Variants in LIPC observed in about 807,000 individuals in gnomAD.
LIPC encodes hepatic triacylglycerol lipase.
In LIPC, 44 loss-of-function variants were observed where a neutral mutation model predicts 50.7. The ratio of observed to expected loss-of-function variants is 0.87; its 90% CI spans 0.68 to 1.11. LIPC has a LOEUF of 1.11. Among genes scored for constraint, LIPC ranks in the 50% most tolerant of loss-of-function variants. LIPC has a pLI of 0.00. For missense variants in LIPC, 697 were observed against 648.2 expected (o/e 1.08, Z -0.82); for synonymous variants, 271 against 256.4 (o/e 1.06, Z -0.54).
At chr15:58,493,197 A>T (rs1891642313) in intron 1 of LIPC, among the ~76,000 whole-genome samples, 1 of 152,104 alleles carries the variant, frequency 6.6e-6, no homozygotes, top group Non-Finnish European at 1.5e-5. Context: ...ACTTCACATG[A>T]TTAGGAAGCT....
At chr15:58,505,453 T>A (rs1218719151) in intron 1 of LIPC, among the ~76,000 whole-genome samples, 1 of 152,194 alleles carries the variant, frequency 6.6e-6, no homozygotes, top group Admixed American at 6.5e-5. Flanking sequence ...ACACAAAGTG[T>A]GCTCAACAGC....
intron 8 of LIPC, chr15:58,565,340 T>G: frequency 6.5e-7 from 1 of 1,531,632 alleles, no homozygotes; most frequent in Non-Finnish European, 8.7e-7. Flanking sequence ...TTTAGGTGGC[T>G]GCTCACCCTG....
chr15:58,495,332 G>T (rs1159992376), intron 1 of LIPC, among the ~76,000 whole-genome samples: 1 of 152,194 alleles, frequency 6.6e-6, no homozygotes, highest in African/African-American at 2.4e-5. Flanking sequence ...CTGCCCTGCA[G>T]CTCCCTGCCA....
intron 1 of LIPC, among the ~76,000 whole-genome samples, chr15:58,462,892 GTTATTGGCGGAGTTA>G (rs1894406746): frequency 6.6e-6 from 1 of 152,252 alleles, no homozygotes; most frequent in Non-Finnish European, 1.5e-5. Context: ...TGCCTGCAGA[GTTATTGGCGGAGTTA>G]TTCTTGGTGC....
intron 1 of LIPC, among the ~76,000 whole-genome samples, chr15:58,516,849 G>T (rs1328166709): frequency 1.3e-5 from 2 of 152,182 alleles, no homozygotes; most frequent in Non-Finnish European, 2.9e-5. Context: ...ATTATGGGTT[G>T]TATTTTCCTG....
In LIPC at chr15:58,432,041, A is replaced by T. The variant is rs748972683; in HGVS notation, c.9A>T (p.Thr3=). ...CCGGGTGAAACGGAGAAATGGACAC[A>T]AGTCCCCTGTGTTTCTCCATTCTGT... The part of the protein sequence containing the change: MD[T]SPLCFSILLV... Residue 3 remains threonine (T), a synonymous_variant, in exon 1 of 9, where the codon ACA becomes ACT. Transcript: ENST00000299022. 5.0e-6 allele frequency: 8 copies of T among 1,613,410 alleles called. No homozygotes were observed. The highest frequency in any genetic ancestry group is 6.8e-6 in the Non-Finnish European group (8 of 1,179,472).
chr15:58,479,570 A>G (rs539753232), intron 1 of LIPC, among the ~76,000 whole-genome samples: 1 of 152,342 alleles, frequency 6.6e-6, no homozygotes, highest in East Asian at 1.9e-4. Context: ...TGCTGGGTCC[A>G]TGTGATTTCC....
chr15:58,558,478 C>A (rs1894036436), intron 6 of LIPC, among the ~76,000 whole-genome samples: 1 of 152,158 alleles, frequency 6.6e-6, no homozygotes. Context: ...AGCAGGGGTC[C>A]CCAACCCCCG....
intron 1 of LIPC, among the ~76,000 whole-genome samples, chr15:58,535,800 C>T (rs1049374647): frequency 6.6e-6 from 1 of 152,128 alleles, no homozygotes. Context: ...ATTTTTATCC[C>T]CATTTTATTT....
intron 1 of LIPC, among the ~76,000 whole-genome samples, chr15:58,453,729 C>A (rs564626990): frequency 6.6e-6 from 1 of 151,770 alleles, no homozygotes; most frequent in African/African-American, 2.4e-5. Context: ...GGTGAAATCC[C>A]AACTACTAAA....
chr15:58,561,000 C>A lies in LIPC; in HGVS notation c.1169+19C>A. The A allele has an allele frequency of 9.8e-7, 1 of 1,018,042 alleles. No homozygotes were observed. Among genetic ancestry groups the A allele is most frequent in the Non-Finnish European group, 1.5e-6 (1 of 680,612 alleles). 63.1% of individuals were successfully genotyped at this position (1,018,042 alleles called of 1,614,324 possible). ...TCACTCTGTGAGTAGGAGGTGTAGC[C>A]CCCTAGGGTGATGACACACTTATTT... On this transcript the variant is annotated intron_variant, in intron 7 of 8. Coordinates refer to ENST00000299022, the MANE Select transcript of LIPC (RefSeq NM_000236.3).
At chr15:58,492,393 C>T (rs1422137895) in intron 1 of LIPC, among the ~76,000 whole-genome samples, 2 of 152,116 alleles carry the variant, frequency 1.3e-5, no homozygotes, top group East Asian at 3.9e-4. Context: ...ATAATATAAA[C>T]ACATTATAAA....
intron 6 of LIPC, among the ~76,000 whole-genome samples, chr15:58,555,955 A>G (rs1240443473): frequency 6.6e-6 from 1 of 151,952 alleles, no homozygotes; most frequent in African/African-American, 2.4e-5. Flanking sequence ...CCAGAAACCA[A>G]TCGACAAGGG....
intron 1 of LIPC, chr15:58,434,980 T>G (rs1172516596): frequency 6.6e-6 from 1 of 152,224 alleles, no homozygotes; most frequent in Non-Finnish European, 1.5e-5. Flanking sequence ...ACACACTCTG[T>G]TCACACGTTT....
At chr15:58,530,644 CT>C (rs1892933914) in intron 1 of LIPC, among the ~76,000 whole-genome samples, 1 of 152,244 alleles carries the variant, frequency 6.6e-6, no homozygotes, top group Non-Finnish European at 1.5e-5. Flanking sequence ...TAGAGATTCC[CT>C]TTTGCCCTTT....
intron 2 of LIPC, among the ~76,000 whole-genome samples, chr15:58,540,376 A>T (rs1052497669): frequency 6.6e-6 from 1 of 151,052 alleles, no homozygotes. Context: ...TAGATCTATT[A>T]ACGTATTTCT....
At chr15:58,469,102 TTGTGTGTGTGTG>T (rs56309142) in intron 1 of LIPC, among the ~76,000 whole-genome samples, 54 of 140,720 alleles carry the variant, frequency 3.8e-4, no homozygotes, top group South Asian at 1.2e-3. Flanking sequence ...AGGGAACATT[TTGTGTGTGTGTG>T]TGTGTGTGTG....
At chr15:58,508,010 C>A (rs1277662875) in intron 1 of LIPC, among the ~76,000 whole-genome samples, 2 of 152,102 alleles carry the variant, frequency 1.3e-5, no homozygotes, top group Non-Finnish European at 2.9e-5. Context: ...TGAATGAGCA[C>A]CAAAACAGAA....
At chr15:58,500,135 G>T (rs868189307) in intron 1 of LIPC, among the ~76,000 whole-genome samples, 2 of 152,136 alleles carry the variant, frequency 1.3e-5, no homozygotes, top group African/African-American at 4.8e-5. Flanking sequence ...AGATGGTGAG[G>T]TTTAGGACAC....
Sources: gnomAD v4.1 joint callset for allele counts (sites outside exome capture counted in the v4.1 genomes callset) on GRCh38, gnomAD v4.1.1 for gene constraint, MANE v1.5 for transcripts, NCBI Gene and HGNC (gene_info 2026-07-23, HGNC 2026-07-21) for gene names.